Variants in TASP1 observed in about 807,000 individuals in gnomAD.
TASP1 encodes the protein threonine aspartase 1.
In TASP1, 16 loss-of-function variants were observed where a neutral mutation model predicts 56.6. That is an observed-to-expected ratio of 0.28 (90% confidence interval 0.19 to 0.43). The LOEUF (loss-of-function observed/expected upper bound fraction) is 0.43. Among genes scored for constraint, TASP1 ranks in the 20% least tolerant of loss-of-function variants. The probability of loss-of-function intolerance (pLI) is 1.00; values close to 1 mark genes in which losing one functional copy is unlikely to be tolerated. For synonymous variants in TASP1, 179 were observed against 184.2 expected (o/e 0.97, Z 0.23); for missense variants, 393 against 511.6 (o/e 0.77, Z 2.24).
At chr20:13,417,794 G>GCA (rs138032848) in intron 12 of TASP1, among the ~76,000 whole-genome samples, 2 of 151,820 alleles carry the variant, frequency 1.3e-5, no homozygotes, top group Admixed American at 6.6e-5. Flanking sequence ...AACATTAAAT[G>GCA]CACACACACA....
chr20:13,298,724 A>G, the TASP1 span, among the ~76,000 whole-genome samples: 1 of 152,176 alleles, frequency 6.6e-6, no homozygotes, highest in Non-Finnish European at 1.5e-5. Context: ...GAAGTTCCCA[A>G]GTTCAAGGGA....
chr20:13,284,617 G>A, the TASP1 span, among the ~76,000 whole-genome samples: 1 of 152,160 alleles, frequency 6.6e-6, no homozygotes, highest in Non-Finnish European at 1.5e-5. Context: ...TCTGTTCTTT[G>A]AAGACATTAA....
chr20:13,108,519 T>C, the TASP1 span, among the ~76,000 whole-genome samples: 1 of 152,222 alleles, frequency 6.6e-6, no homozygotes, highest in Non-Finnish European at 1.5e-5. Flanking sequence ...CATACGCTTC[T>C]TGAGAGCTTT....
chr20:13,286,442 G>A, the TASP1 span, among the ~76,000 whole-genome samples: 1 of 152,158 alleles, frequency 6.6e-6, no homozygotes, highest in South Asian at 2.1e-4. Context: ...CTAATGCCAG[G>A]GAAGGCAGCC....
the TASP1 span, among the ~76,000 whole-genome samples, chr20:13,301,595 C>T: frequency 1.3e-5 from 2 of 152,176 alleles, no homozygotes; most frequent in African/African-American, 4.8e-5. Flanking sequence ...GACTTATTCA[C>T]ATCTGAAGCA....
chr20:13,268,774 G>A, the TASP1 span, among the ~76,000 whole-genome samples: 58 of 152,258 alleles, frequency 3.8e-4, 1 homozygote, highest in East Asian at 0.01. Context: ...TCGCAGCTGG[G>A]CTTGGTGGAA....
At chr20:13,193,686 A>G in the TASP1 span, among the ~76,000 whole-genome samples, 2 of 152,216 alleles carry the variant, frequency 1.3e-5, no homozygotes, top group Admixed American at 6.5e-5. Context: ...CAGCTGCTCA[A>G]CAGTGTCATC....
At chr20:13,460,077 C>T (rs976366946) in intron 11 of TASP1, among the ~76,000 whole-genome samples, 3 of 152,122 alleles carry the variant, frequency 2.0e-5, no homozygotes, top group Non-Finnish European at 4.4e-5. Context: ...TCCTATTTAT[C>T]TCCTCAGTCT....
At chr20:13,207,332 T>A in the TASP1 span, among the ~76,000 whole-genome samples, 2 of 152,218 alleles carry the variant, frequency 1.3e-5, no homozygotes, top group African/African-American at 4.8e-5. Context: ...CTGTTGCTTT[T>A]ACCCACAAGC....
intron 8 of TASP1, among the ~76,000 whole-genome samples, chr20:13,546,010 C>A (rs1037957811): frequency 1.3e-5 from 2 of 152,118 alleles, no homozygotes; most frequent in African/African-American, 4.8e-5. Context: ...TGATTTTGTT[C>A]TTCTAACACA....
At chr20:13,203,622 G>A in the TASP1 span, among the ~76,000 whole-genome samples, 1 of 152,174 alleles carries the variant, frequency 6.6e-6, no homozygotes, top group Non-Finnish European at 1.5e-5. Context: ...CAATTAATTA[G>A]TTTGGTTAAC....
intron 6 of TASP1, among the ~76,000 whole-genome samples, chr20:13,575,395 G>A (rs2147171911): frequency 6.6e-6 from 1 of 152,206 alleles, no homozygotes; most frequent in African/African-American, 2.4e-5. Flanking sequence ...ACTGAATCAT[G>A]GGAGCAGGTT....
intron 11 of TASP1, among the ~76,000 whole-genome samples, chr20:13,454,935 A>T (rs1054339988): frequency 6.6e-6 from 1 of 152,118 alleles, no homozygotes; most frequent in Non-Finnish European, 1.5e-5. Flanking sequence ...GCCTAGGAAG[A>T]CTTCACCAGA....
At chr20:13,364,667 C>T in the TASP1 span, among the ~76,000 whole-genome samples, 4 of 152,074 alleles carry the variant, frequency 2.6e-5, no homozygotes, top group East Asian at 7.7e-4. Flanking sequence ...TGGTATCTCC[C>T]CAACTTGGTA....
the TASP1 span, among the ~76,000 whole-genome samples, chr20:13,131,178 C>T: frequency 7.2e-5 from 11 of 152,152 alleles, no homozygotes; most frequent in Admixed American, 2.0e-4. Context: ...TTTAAATCTT[C>T]GATGTATATT....
chr20:13,241,261 G>A, the TASP1 span, among the ~76,000 whole-genome samples: 1 of 152,110 alleles, frequency 6.6e-6, no homozygotes, highest in African/African-American at 2.4e-5. Flanking sequence ...GTGAGGAAAT[G>A]GAGACAGAAT....
chr20:13,615,302 G>T (rs2048482564), intron 4 of TASP1, among the ~76,000 whole-genome samples: 1 of 152,070 alleles, frequency 6.6e-6, no homozygotes, highest in African/African-American at 2.4e-5. Flanking sequence ...CAGGAGGCTG[G>T]ACCCTGAGTG....
In TASP1 at chr20:13,397,726, T is replaced by C. The variant is rs1395192875; in HGVS notation, c.1171-7274A>G. Among the ~76,000 whole-genome samples, 5 of 152,338 alleles carry C rather than the reference T, an allele frequency of 3.3e-5. No individual in the cohort carries two copies. In the South Asian group the frequency reaches 8.3e-4, roughly 25 times the overall value. On this transcript the variant is annotated intron_variant, in intron 13 of 13. Coordinates refer to ENST00000337743, the MANE Select transcript of TASP1 (RefSeq NM_017714.3). ...GTTTGAGCCTCAACTCTGCTGTTGA[T>C]AGATTGGATAGTTTCTGGATCGGGA...
At chr20:13,627,988 G>A (rs1251582614) in intron 2 of TASP1, among the ~76,000 whole-genome samples, 1 of 152,118 alleles carries the variant, frequency 6.6e-6, no homozygotes, top group Non-Finnish European at 1.5e-5. Context: ...GTCTCCTACG[G>A]AAAATGTTAC....
Sources: gnomAD v4.1 joint callset for allele counts (sites outside exome capture counted in the v4.1 genomes callset) on GRCh38, gnomAD v4.1.1 for gene constraint, MANE v1.5 for transcripts, NCBI Gene and HGNC (gene_info 2026-07-23, HGNC 2026-07-21) for gene names.